Variants in AP3B1 observed in about 807,000 individuals in gnomAD.
The protein encoded by AP3B1 is adaptor related protein complex 3 subunit beta 1.
In AP3B1, 61 loss-of-function variants were observed where a neutral mutation model predicts 132.5. The ratio of observed to expected loss-of-function variants is 0.46; its 90% confidence interval spans 0.37 to 0.57. The LOEUF (loss-of-function observed/expected upper bound fraction) is 0.57. Ranked by LOEUF, AP3B1 falls within the 20% of genes least tolerant of loss-of-function variation. The pLI is 0.00. For synonymous variants in AP3B1, 388 were observed against 438.3 expected, an observed-to-expected ratio of 0.89 and a Z score of 1.43; for missense variants, 1,120 against 1,289.4, an observed-to-expected ratio of 0.87 and a Z score of 2.01.
intron 11 of AP3B1, among the ~76,000 whole-genome samples, chr5:78,174,895 C>T (rs145299272): frequency 0.011 from 1,748 of 152,336 alleles, 16 homozygotes; most frequent in Middle Eastern, 0.02. Context: ...GCTTCCCAGC[C>T]GCTTTGTTTA....
chr5:78,119,688 T>C (rs557193544), intron 17 of AP3B1, among the ~76,000 whole-genome samples: 9 of 152,296 alleles, frequency 5.9e-5, no homozygotes, highest in Non-Finnish European at 8.8e-5. Context: ...TGTGGGACTA[T>C]GTGAAAAGAC....
At chr5:78,176,596 A>G (rs767841134) in intron 9 of AP3B1, among the ~76,000 whole-genome samples, 32 of 152,328 alleles carry the variant, frequency 2.1e-4, no homozygotes, top group Non-Finnish European at 3.7e-4. Flanking sequence ...AAAAATAGCT[A>G]AGGTATGTCA....
At chr5:78,274,635 A>G (rs908154895) in intron 1 of AP3B1, among the ~76,000 whole-genome samples, 1 of 152,194 alleles carries the variant, frequency 6.6e-6, no homozygotes, top group South Asian at 2.1e-4. Context: ...AAAAGCATCC[A>G]GAGGCTGAGC....
intron 2 of AP3B1, among the ~76,000 whole-genome samples, chr5:78,254,170 AG>A (rs1377367116): frequency 6.6e-6 from 1 of 152,036 alleles, no homozygotes; most frequent in African/African-American, 2.4e-5. Flanking sequence ...AGGAGACCAA[AG>A]AAAAAAGAAT....
intron 2 of AP3B1, among the ~76,000 whole-genome samples, chr5:78,261,775 G>A (rs369861131): frequency 3.3e-5 from 5 of 150,832 alleles, no homozygotes; most frequent in African/African-American, 7.3e-5. Flanking sequence ...TTTTTGAGAC[G>A]CGGTCTCACT....
chr5:78,056,626 GT>G (rs1198970502), intron 22 of AP3B1, among the ~76,000 whole-genome samples: 1 of 152,148 alleles, frequency 6.6e-6, no homozygotes, highest in East Asian at 1.9e-4. Context: ...TCCCTCCTCT[GT>G]TAGTTGTGGG....
chr5:78,211,467 A>G (rs1448201299), intron 7 of AP3B1, among the ~76,000 whole-genome samples: 1 of 152,234 alleles, frequency 6.6e-6, no homozygotes, highest in African/African-American at 2.4e-5. Context: ...GCCCCTGAAG[A>G]AGCTTGTTTG....
At chr5:78,216,376 T>A (rs1028474689) in intron 6 of AP3B1, 139 bp from the exon 7 acceptor site, 7 of 819,818 alleles carry the variant, frequency 8.5e-6, no homozygotes, top group Middle Eastern at 2.7e-4. Flanking sequence ...AATGTTCATG[T>A]TTGAATAACA....
chr5:78,054,775 G>A (rs1428248606), intron 22 of AP3B1, among the ~76,000 whole-genome samples: 3 of 152,124 alleles, frequency 2.0e-5, no homozygotes, highest in Non-Finnish European at 2.9e-5. Flanking sequence ...CCTAGAAGAG[G>A]TCCTGGCGAT....
At chr5:78,274,829 G>C (rs13163836) in intron 1 of AP3B1, among the ~76,000 whole-genome samples, 38,926 of 151,996 alleles carry the variant, frequency 0.26, 5,747 homozygotes, top group Middle Eastern at 0.39. Flanking sequence ...AGAAGGCTGA[G>C]GCAAGAGGAT....
At chr5:78,233,482 AC>A (rs1355202449) in intron 3 of AP3B1, among the ~76,000 whole-genome samples, 1 of 150,986 alleles carries the variant, frequency 6.6e-6, no homozygotes, top group Non-Finnish European at 1.5e-5. Flanking sequence ...TGATCCGCCC[AC>A]CCCGGCCTCC....
At chr5:78,072,694 C>T (rs1696374808) in intron 22 of AP3B1, among the ~76,000 whole-genome samples, 1 of 133,994 alleles carries the variant, frequency 7.5e-6, no homozygotes, top group South Asian at 2.6e-4. Flanking sequence ...ATTTGAGTAA[C>T]AATGTGTCTG....
intron 1 of AP3B1, among the ~76,000 whole-genome samples, chr5:78,281,411 G>A (rs1418556530): frequency 2.3e-5 from 3 of 131,002 alleles, no homozygotes; most frequent in African/African-American, 8.8e-5. Context: ...TCCAGCCTGG[G>A]CAACAAGACC....
At chr5:78,153,886 T>C (rs1743007454) in intron 14 of AP3B1, among the ~76,000 whole-genome samples, 1 of 152,224 alleles carries the variant, frequency 6.6e-6, no homozygotes, top group African/African-American at 2.4e-5. Context: ...TTTCTACTTA[T>C]ATCATATTGT....
At chr5:78,159,784 G>A (rs748384966) in intron 13 of AP3B1, among the ~76,000 whole-genome samples, 12 of 152,118 alleles carry the variant, frequency 7.9e-5, no homozygotes, top group Non-Finnish European at 1.6e-4. Context: ...ATTCCCCTCA[G>A]GTAATTCCAC....
intron 7 of AP3B1, among the ~76,000 whole-genome samples, chr5:78,192,237 A>G (rs536869626): frequency 6.6e-6 from 1 of 152,312 alleles, no homozygotes; most frequent in East Asian, 1.9e-4. Context: ...GTAAATATAA[A>G]CCAAGAGAAA....
chr5:78,138,095 AGTCT>A (rs992843928), intron 15 of AP3B1, among the ~76,000 whole-genome samples: 1 of 152,230 alleles, frequency 6.6e-6, no homozygotes, highest in Admixed American at 6.5e-5. Context: ...CAATTATTTT[AGTCT>A]GTCTTATATC....
rs1554060199 is a variant in AP3B1, at chr5:78,045,400, A to AC, written c.2578-6127dup. ...TGTCTCAAAAAAAAAAAAAAAAAAA[A>AC]CACAAAGAAAAAGAAAATGTTTGAT... On this transcript the variant is annotated intron_variant, in intron 22 of 26. Coordinates refer to ENST00000255194, the MANE Select transcript of AP3B1 (RefSeq NM_003664.5). Among the ~76,000 whole-genome samples the AC allele has an allele frequency of 9.3e-3, 1,384 of 148,256 alleles. 18 individuals are homozygous for AC. Among genetic ancestry groups the AC allele is most frequent in the African/African-American group, 0.024 (939 of 39,940 alleles).
chr5:78,060,525 G>A (rs1296873710), intron 22 of AP3B1, among the ~76,000 whole-genome samples: 2 of 152,104 alleles, frequency 1.3e-5, no homozygotes, highest in East Asian at 3.8e-4. Context: ...TGTTTTCTCT[G>A]TGTATTTGGC....
Sources: allele counts gnomAD v4.1 joint callset (sites outside exome capture counted in the v4.1 genomes callset), GRCh38; gene constraint gnomAD v4.1.1; transcripts MANE v1.5; gene names NCBI Gene and HGNC (gene_info 2026-07-23, HGNC 2026-07-21).